The following LHFPL4 variants were observed in gnomAD, a reference collection of about 807,000 sequenced individuals.
LHFPL4 encodes LHFPL tetraspan subfamily member 4 protein.
Under a neutral mutation model 20.0 loss-of-function variants are expected in LHFPL4, and 6 were observed. The ratio of observed to expected loss-of-function variants is 0.30; its 90% CI spans 0.16 to 0.59. The LOEUF is 0.59. LHFPL4 is among the 20% of genes least tolerant of loss of function. The pLI, the probability that LHFPL4 is intolerant of heterozygous loss-of-function variation, is 0.88. For missense variants in LHFPL4, 215 were observed against 331.2 expected (o/e 0.65, Z 2.72); for synonymous variants, 129 against 143.8 (o/e 0.90, Z 0.74).
chr3:9,541,508 G>A (rs1260266522), intron 2 of LHFPL4, among the ~76,000 whole-genome samples: 11 of 152,116 alleles, frequency 7.2e-5, no homozygotes, highest in Middle Eastern at 3.4e-3. Context: ...ACCATGGCTC[G>A]CGCCTGTAAT....
At chr3:9,544,907 C>T (rs1029667329) in intron 2 of LHFPL4, among the ~76,000 whole-genome samples, 2 of 152,156 alleles carry the variant, frequency 1.3e-5, no homozygotes, top group African/African-American at 4.8e-5. Flanking sequence ...CCTCCCTGCC[C>T]TCAGAATACC....
In LHFPL4 at chr3:9,506,305, C is replaced by A; in HGVS notation, c.407-102G>T. 1 of 874,456 alleles carries A rather than the reference C, an allele frequency of 1.1e-6. No individual in the cohort carries two copies. The highest frequency in any genetic ancestry group is 1.9e-6 in the Non-Finnish European group (1 of 536,050). 54.2% of individuals were successfully genotyped at this position (874,456 alleles called of 1,614,324 possible). A position where few individuals can be genotyped will look rare whatever the true frequency, so the allele number is the denominator to read the frequency against. On this transcript the variant is annotated intron_variant, in intron 2 of 3. Transcript: ENST00000287585. This position sits in a 1 kb window ranked among gnomAD's most constrained non-coding sequence, Gnocchi z 4.5. ...TCTGGGCCCCACCCTATTGAGGGCACATCAACCCAACCACGTGCTTGTTAC... is the reference window on the plus strand; with the variant it reads ...TCTGGGCCCCACCCTATTGAGGGCAAATCAACCCAACCACGTGCTTGTTAC...
chr3:9,547,309 C>T (rs947946151), intron 2 of LHFPL4, among the ~76,000 whole-genome samples: 8 of 152,094 alleles, frequency 5.3e-5, no homozygotes, highest in South Asian at 2.1e-4. Context: ...TGGTCTTACA[C>T]GACTAGCACA....
chr3:9,517,799 TTG>T (rs1491560882), intron 2 of LHFPL4, among the ~76,000 whole-genome samples: 65 of 102,202 alleles, frequency 6.4e-4, no homozygotes, highest in Admixed American at 1.5e-3. Flanking sequence ...TTGGGTTTTT[TTG>T]TTTTTTGTTT....
rs551925757 is a variant in LHFPL4, at chr3:9,535,306, A to T, written c.406+16968T>A. ...TAGTTCATTTAATCTCTACAACTCT[A>T]TGGAATAGATACTGTTATTATCTTC... is the stretch of plus-strand genomic sequence containing the variant. On this transcript the variant is annotated intron_variant, in intron 2 of 3. Transcript: ENST00000287585. 6.6e-5 allele frequency among the ~76,000 whole-genome samples: 10 copies of T among 152,308 alleles called. No individual in the cohort carries two copies. In the South Asian group the frequency reaches 1.4e-3, roughly 22 times the overall value.
At chr3:9,529,609 A>C (rs2046396644) in intron 2 of LHFPL4, among the ~76,000 whole-genome samples, 1 of 152,016 alleles carries the variant, frequency 6.6e-6, no homozygotes, top group African/African-American at 2.4e-5. Flanking sequence ...ATGAGCACTA[A>C]TATTTTGAAA....
intron 2 of LHFPL4, among the ~76,000 whole-genome samples, chr3:9,514,932 T>G (rs2046288373): frequency 6.6e-6 from 1 of 152,230 alleles, no homozygotes; most frequent in African/African-American, 2.4e-5. Context: ...GCTTCCAAAT[T>G]TTGGCAGTTA....
chr3:9,542,913 G>A (rs2046486611), intron 2 of LHFPL4, among the ~76,000 whole-genome samples: 2 of 152,098 alleles, frequency 1.3e-5, no homozygotes, highest in Admixed American at 6.6e-5. Flanking sequence ...GTTGCTTAGG[G>A]CTGAGAAGGA....
At chr3:9,535,280 C>T in intron 2 of LHFPL4, among the ~76,000 whole-genome samples, 1 of 152,180 alleles carries the variant, frequency 6.6e-6, no homozygotes, top group Non-Finnish European at 1.5e-5. Context: ...TTTACACATG[C>T]TAGTTCATTT....
chr3:9,504,381 GAA>G (rs59021970), intron 3 of LHFPL4, among the ~76,000 whole-genome samples: 3 of 139,044 alleles, frequency 2.2e-5, no homozygotes, highest in Non-Finnish European at 1.6e-5. Context: ...CTGTCTCAAG[GAA>G]AAAAAAAAAA....
At chr3:9,529,931 C>CT (rs77757682) in intron 2 of LHFPL4, among the ~76,000 whole-genome samples, 28,136 of 146,708 alleles carry the variant, frequency 0.19, 2,685 homozygotes, top group Middle Eastern at 0.23. Context: ...GTGCCTGGCT[C>CT]TTTTTTTTTT....
intron 2 of LHFPL4, among the ~76,000 whole-genome samples, chr3:9,544,133 C>A (rs2046496361): frequency 6.6e-6 from 1 of 151,962 alleles, no homozygotes; most frequent in Non-Finnish European, 1.5e-5. Context: ...ACTCAAGAAA[C>A]TGGTAATGGG....
At chr3:9,519,072 G>C (rs948969234) in intron 2 of LHFPL4, among the ~76,000 whole-genome samples, 1 of 152,040 alleles carries the variant, frequency 6.6e-6, no homozygotes, top group African/African-American at 2.4e-5. Context: ...TGAGTAGCTG[G>C]GATTACAGGC....
intron 2 of LHFPL4, among the ~76,000 whole-genome samples, chr3:9,521,269 G>A (rs2046335793): frequency 6.8e-6 from 1 of 146,722 alleles, no homozygotes; most frequent in Admixed American, 6.8e-5. Context: ...CTGTTGCCCA[G>A]GCTGGAGTGC....
In LHFPL4 at chr3:9,553,676, G is replaced by A. The variant is rs1394855678; in HGVS notation, c.-169+9C>T. 6.6e-6 allele frequency: 1 copy of A among 151,236 alleles called. No individual in the cohort carries two copies. Among genetic ancestry groups the A allele is most frequent in the Non-Finnish European group, 1.5e-5 (1 of 67,734 alleles). 9.4% of individuals were successfully genotyped at this position (151,236 alleles called of 1,614,324 possible). A position where few individuals can be genotyped will look rare whatever the true frequency, so the allele number is the denominator to read the frequency against. On this transcript the variant is annotated intron_variant, in intron 1 of 3. Coordinates refer to ENST00000287585, the MANE Select transcript of LHFPL4 (RefSeq NM_198560.3). Reference sequence around the variant, plus strand: ...TGCGGCCGCGGGGAAAGGGTGCGGGGAGACCAACCTGGGCACGGCCGGAGG... The same window carrying A: ...TGCGGCCGCGGGGAAAGGGTGCGGGAAGACCAACCTGGGCACGGCCGGAGG...
intron 2 of LHFPL4, among the ~76,000 whole-genome samples, chr3:9,534,491 G>C (rs892285214): frequency 6.6e-6 from 1 of 152,130 alleles, no homozygotes; most frequent in Non-Finnish European, 1.5e-5. Context: ...ATATGTATGT[G>C]GGGGTATATT....
At position 9,502,011 on chromosome 3, in the gene LHFPL4, T is replaced by C. The variant is rs1246209484; in HGVS notation, c.*200A>G. On this transcript the variant is annotated 3_prime_UTR_variant, in exon 4 of 4. Coordinates refer to ENST00000287585, the MANE Select transcript of LHFPL4 (RefSeq NM_198560.3). ...TGAGGGAGGAGCAAGAATTAGACCCTCCCAAGGTTTGGAGGGCCTCTCCTC... is the reference window on the plus strand; with the variant it reads ...TGAGGGAGGAGCAAGAATTAGACCCCCCCAAGGTTTGGAGGGCCTCTCCTC... 3.5e-5 allele frequency: 21 copies of C among 605,900 alleles called. No individual in the cohort carries two copies. The highest frequency in any genetic ancestry group is 6.0e-5 in the South Asian group (3 of 50,160). The allele number at this position is 605,900 out of a possible 1,614,324, so 37.5% of individuals were successfully genotyped here. A position where few individuals can be genotyped will look rare whatever the true frequency, so the allele number is the denominator to read the frequency against.
rs551215644 is a variant in LHFPL4, at chr3:9,505,952, C to T, written c.643+15G>A. On this transcript the variant is annotated intron_variant, in intron 3 of 3. Transcript: ENST00000287585. The stretch of plus-strand genomic sequence containing the variant: ...CTGGCTCCCGCCGCTGCCCCCCAGC[C>T]CACAGCACACTCGCCTTTGTTCTCC... The T allele has an allele frequency of 6.2e-7, 1 of 1,612,484 alleles. No individual in the cohort carries two copies. Among genetic ancestry groups the T allele is most frequent in the East Asian group, 2.2e-5 (1 of 44,862 alleles).
chr3:9,535,190 T>C (rs2046437643), intron 2 of LHFPL4, among the ~76,000 whole-genome samples: 1 of 152,364 alleles, frequency 6.6e-6, no homozygotes, highest in Middle Eastern at 3.4e-3. Flanking sequence ...CACAACATAA[T>C]TTCTTTTTGG....
Sources: allele counts gnomAD v4.1 joint callset (sites outside exome capture counted in the v4.1 genomes callset), GRCh38; gene constraint gnomAD v4.1.1; non-coding constraint Gnocchi (gnomAD v3.1); transcripts MANE v1.5; gene names NCBI Gene and HGNC (gene_info 2026-07-23, HGNC 2026-07-21).